Variants in SLC16A2 observed in about 807,000 individuals in gnomAD.
SLC16A2 encodes monocarboxylate transporter 8.
Under a neutral mutation model 27.2 loss-of-function variants are expected in SLC16A2, and 3 were observed. The observed-to-expected ratio is 0.11, with a 90% CI of 0.05 to 0.28. The LOEUF (loss-of-function observed/expected upper bound fraction) is 0.28. SLC16A2 is among the 10% of genes least tolerant of loss of function. The pLI is 1.00. For synonymous variants in SLC16A2, 202 were observed against 187.8 expected, an observed-to-expected ratio of 1.08 and a Z score of -0.62; for missense variants, 295 against 458.5, an observed-to-expected ratio of 0.64 and a Z score of 3.26.
At chrX:74,470,800 T>C (rs1929341381) in intron 1 of SLC16A2, among the ~76,000 whole-genome samples, 1 of 110,279 alleles carries the variant, frequency 9.1e-6, no homozygotes, top group South Asian at 3.9e-4. Flanking sequence ...TAGCCGGGTG[T>C]GGTGGCGGCT....
At chrX:74,480,002 C>T (rs969428333) in intron 1 of SLC16A2, among the ~76,000 whole-genome samples, 6 of 112,273 alleles carry the variant, frequency 5.3e-5, no homozygotes, top group African/African-American at 1.9e-4. Context: ...CCACTACTCT[C>T]TTCAAAGCTG....
At chrX:74,439,300 CCTTT>C (rs1928695639) in intron 1 of SLC16A2, among the ~76,000 whole-genome samples, 1 of 94,001 alleles carries the variant, frequency 1.1e-5, no homozygotes, top group Non-Finnish European at 2.1e-5. Flanking sequence ...TTCCTTCCTT[CCTTT>C]CTTCCTTTCT....
chrX:74,509,278 G>A (rs942800592), intron 1 of SLC16A2, among the ~76,000 whole-genome samples: 9 of 111,234 alleles, frequency 8.1e-5, no homozygotes, highest in African/African-American at 2.3e-4. Context: ...ATTCCTAACC[G>A]TAGTGTGGAA....
At chrX:74,440,841 T>G (rs1441717010) in intron 1 of SLC16A2, among the ~76,000 whole-genome samples, 1 of 110,367 alleles carries the variant, frequency 9.1e-6, no homozygotes, top group Non-Finnish European at 1.9e-5. Context: ...TGCATGAGCA[T>G]GGATAGGGTA....
Position 74,524,771 on chromosome X carries a change from G to C in SLC16A2, c.988G>C (p.Ala330Pro). Residue 330 changes from alanine to proline, a missense_variant, in exon 3 of 6, where the codon GCT becomes CCT. By Grantham distance (27) the Ala-to-Pro change is conservative. Around this residue, in one of 3 missense-constraint regions of SLC16A2, gnomAD observed 144 missense variants for 219.8 expected, o/e 0.66. Transcript: ENST00000587091. The part of the protein sequence containing the change: ...TYRIWAFGIA[A>P]AALGYFVPYV... ...CCGCATCTGGGCCTTCGGAATTGCTGCTGCTGCCCTTGGCTACTTTGTTCC... is the reference window on the plus strand; with the variant it reads ...CCGCATCTGGGCCTTCGGAATTGCTCCTGCTGCCCTTGGCTACTTTGTTCC... 8.3e-7 allele frequency: 1 copy of C among 1,211,029 alleles called. No homozygotes were observed. The highest frequency in any genetic ancestry group is 1.7e-5 in the African/African-American group (1 of 57,692).
chrX:74,430,449 A>C (rs914820345), intron 1 of SLC16A2, among the ~76,000 whole-genome samples: 1 of 112,039 alleles, frequency 8.9e-6, no homozygotes, highest in Non-Finnish European at 1.9e-5. Flanking sequence ...GAAGTGGTTA[A>C]TAAATCAAAA....
At position 74,421,530 on chromosome X, in the gene SLC16A2, G is replaced by A; in HGVS notation, c.-108G>A. The A allele has an allele frequency of 9.7e-7, 1 of 1,028,029 alleles. No individual in the cohort carries two copies. Among genetic ancestry groups the A allele is most frequent in the Non-Finnish European group, 1.3e-6 (1 of 744,452 alleles). The allele number at this position is 1,028,029 out of a possible 1,213,427, so 84.7% of individuals were successfully genotyped here. A position where few individuals can be genotyped will look rare whatever the true frequency, so the allele number is the denominator to read the frequency against. On this transcript the variant is annotated 5_prime_UTR_variant, in exon 1 of 6. Transcript: ENST00000587091. The stretch of plus-strand genomic sequence containing the variant: ...CGCGGAGCCTGGAGGAGGAGGCAGC[G>A]GCAGCGGCAGCAGCAGCCCTCCGAG...
At chrX:74,497,423 C>T (rs1929956348) in intron 1 of SLC16A2, among the ~76,000 whole-genome samples, 1 of 110,422 alleles carries the variant, frequency 9.1e-6, no homozygotes, top group Non-Finnish European at 1.9e-5. Context: ...GTCATCTCAG[C>T]GAGAATTGGG....
intron 1 of SLC16A2, among the ~76,000 whole-genome samples, chrX:74,440,334 T>C (rs1276421088): frequency 2.7e-5 from 3 of 111,164 alleles, no homozygotes; most frequent in Non-Finnish European, 5.7e-5. Flanking sequence ...TCGCTCCAGC[T>C]TGCCGGGAAA....
intron 1 of SLC16A2, among the ~76,000 whole-genome samples, chrX:74,455,629 C>T (rs925987595): frequency 2.7e-5 from 3 of 110,474 alleles, no homozygotes; most frequent in African/African-American, 9.9e-5. Context: ...GGTGTGGCTC[C>T]TCCTACATTT....
intron 4 of SLC16A2, among the ~76,000 whole-genome samples, chrX:74,528,271 G>T (rs991647416): frequency 2.7e-5 from 3 of 110,915 alleles, no homozygotes; most frequent in African/African-American, 9.9e-5. Flanking sequence ...GCAGCGGGAT[G>T]GGGGCAGGGT....
intron 4 of SLC16A2, among the ~76,000 whole-genome samples, chrX:74,527,756 A>G (rs1217779527): frequency 5.3e-5 from 6 of 112,771 alleles, no homozygotes; most frequent in Non-Finnish European, 9.4e-5. Context: ...ACAGACAGCT[A>G]GATACAATAG....
chrX:74,503,965 A>G lies in SLC16A2; in HGVS notation c.431-17025A>G, dbSNP rs1166120220. ...AATTAAATGAAATAGCATAGCTAAT[A>G]TATGTAAAGAATTTGACACGGTGTC... On this transcript the variant is annotated intron_variant, in intron 1 of 5. Transcript: ENST00000587091. Among the ~76,000 whole-genome samples the G allele has an allele frequency of 3.6e-5, 4 of 112,214 alleles. No individual in the cohort carries two copies. The East Asian group carries it at 1.1e-3, about 31-fold the overall frequency.
chrX:74,499,455 CTT>C (rs750553597), intron 1 of SLC16A2, among the ~76,000 whole-genome samples: 6 of 99,523 alleles, frequency 6.0e-5, no homozygotes, highest in Non-Finnish European at 6.1e-5. Flanking sequence ...TTCTTTCTTT[CTT>C]TTTTTTTTTT....
chrX:74,435,551 A>AT (rs1189172730), intron 1 of SLC16A2, among the ~76,000 whole-genome samples: 1 of 71,070 alleles, frequency 1.4e-5, no homozygotes, highest in African/African-American at 7.7e-5. Context: ...ATATATATAT[A>AT]TATTTTTTTT....
Position 74,493,517 on chromosome X carries a change from C to T in SLC16A2, c.431-27473C>T, listed in dbSNP as rs1602130652. Among the ~76,000 whole-genome samples the T allele has an allele frequency of 3.6e-5, 4 of 112,041 alleles. No individual in the cohort carries two copies. In the South Asian group the frequency reaches 1.1e-3, roughly 31 times the overall value. On this transcript the variant is annotated intron_variant, in intron 1 of 5. Coordinates refer to ENST00000587091, the MANE Select transcript of SLC16A2 (RefSeq NM_006517.5). Reference sequence around the variant, plus strand: ...TGCAGTGCCAGAGGCTTCTGCTTCCCGTCCCCGAAGGACAGCAAGAACACA... The same window carrying T: ...TGCAGTGCCAGAGGCTTCTGCTTCCTGTCCCCGAAGGACAGCAAGAACACA...
chrX:74,439,292 C>A (rs1928695322), intron 1 of SLC16A2, among the ~76,000 whole-genome samples: 1 of 95,645 alleles, frequency 1.0e-5, no homozygotes, highest in Non-Finnish European at 2.1e-5. Context: ...TCCCTTCCTT[C>A]CTTCCTTCCT....
In SLC16A2 at chrX:74,435,558, T is replaced by A. The variant is rs867267399; in HGVS notation, c.430+13491T>A. Among the ~76,000 whole-genome samples, 913 of 100,285 alleles carry A rather than the reference T, an allele frequency of 9.1e-3. 14 individuals are homozygous for A. The highest frequency in any genetic ancestry group is 0.032 in the African/African-American group (845 of 26,529). The allele number at this position is 100,285 out of a possible 115,157, so 87.1% of individuals were successfully genotyped here. ...ATATGTATATATATATATATATTTTTTTTTTTTTTAGTGGATCTGGGACTA... is the reference window on the plus strand; with the variant it reads ...ATATGTATATATATATATATATTTTATTTTTTTTTAGTGGATCTGGGACTA... On this transcript the variant is annotated intron_variant, in intron 1 of 5. Transcript: ENST00000587091.
chrX:74,467,037 A>AT (rs1218403998), intron 1 of SLC16A2, among the ~76,000 whole-genome samples: 1,884 of 109,867 alleles, frequency 0.017, 41 homozygotes, highest in African/African-American at 0.06. Flanking sequence ...CTTGAGCACC[A>AT]TGTCACCATA....
Sources: gnomAD v4.1 joint callset for allele counts (sites outside exome capture counted in the v4.1 genomes callset) on GRCh38, gnomAD v4.1.1 for gene constraint, gnomAD v4.1.1 regional missense constraint, MANE v1.5 for transcripts, NCBI Gene and HGNC (gene_info 2026-07-23, HGNC 2026-07-21) for gene names.